The following CSMD1 variants were observed in gnomAD, a reference collection of about 807,000 sequenced individuals.
CSMD1 encodes CUB and Sushi multiple domains 1, also known as CUB and sushi domain-containing protein 1.
CSMD1 carries 213 observed loss-of-function variants against 417.5 expected under a neutral mutation model. That is an observed-to-expected ratio of 0.51 (90% confidence interval 0.46 to 0.57). The LOEUF (loss-of-function observed/expected upper bound fraction) is 0.57, where lower values mean the gene tolerates loss of function less well. Among genes scored for constraint, CSMD1 ranks in the 20% least tolerant of loss-of-function variants. CSMD1 has a pLI of 0.00. For synonymous variants in CSMD1, 2,862 were observed against 1,736.8 expected, an observed-to-expected ratio of 1.65 and a Z score of -16.11; for missense variants, 6,923 against 4,529.7, an observed-to-expected ratio of 1.53 and a Z score of -15.17.
intron 7 of CSMD1, among the ~76,000 whole-genome samples, chr8:3,638,099 G>A (rs1001905250): frequency 1.3e-5 from 2 of 152,122 alleles, no homozygotes; most frequent in African/African-American, 4.8e-5. Flanking sequence ...AAATCAAGGA[G>A]CTCAGATTTA....
At chr8:3,977,993 G>A (rs982152725) in intron 5 of CSMD1, among the ~76,000 whole-genome samples, 1 of 152,190 alleles carries the variant, frequency 6.6e-6, no homozygotes, top group Non-Finnish European at 1.5e-5. Flanking sequence ...TACCATGAGA[G>A]CATCTCATAG....
At chr8:4,030,508 G>A (rs1797287861) in intron 4 of CSMD1, among the ~76,000 whole-genome samples, 1 of 152,104 alleles carries the variant, frequency 6.6e-6, no homozygotes, top group Non-Finnish European at 1.5e-5. Flanking sequence ...CTGGGATGCA[G>A]GGCACCAAGT....
intron 49 of CSMD1, among the ~76,000 whole-genome samples, chr8:3,060,587 A>C (rs1252772072): frequency 6.6e-6 from 1 of 152,206 alleles, no homozygotes; most frequent in Non-Finnish European, 1.5e-5. Context: ...TTGGTTTACA[A>C]GCACTTGAAA....
At chr8:4,155,654 A>G (rs914172862) in intron 3 of CSMD1, among the ~76,000 whole-genome samples, 1 of 152,176 alleles carries the variant, frequency 6.6e-6, no homozygotes, top group African/African-American at 2.4e-5. Flanking sequence ...CATAATACAC[A>G]TTCAAAGAAA....
At chr8:4,386,429 C>G (rs1380870492) in intron 3 of CSMD1, among the ~76,000 whole-genome samples, 2 of 152,190 alleles carry the variant, frequency 1.3e-5, no homozygotes, top group Non-Finnish European at 2.9e-5. Context: ...TCAAACAATA[C>G]ACACTATCAG....
chr8:3,789,751 G>C (rs1192009929), intron 5 of CSMD1, among the ~76,000 whole-genome samples: 1 of 106,098 alleles, frequency 9.4e-6, no homozygotes, highest in South Asian at 3.0e-4. Flanking sequence ...TTTTTTTTGA[G>C]ACACAGTTTC....
chr8:3,170,551 C>T (rs189663686), intron 37 of CSMD1, among the ~76,000 whole-genome samples: 1 of 152,190 alleles, frequency 6.6e-6, no homozygotes, highest in African/African-American at 2.4e-5. Context: ...GCTTTACCCT[C>T]CCATAGCACA....
In CSMD1 at chr8:4,140,230, G is replaced by C. The variant is rs546912137; in HGVS notation, c.416-108131C>G. Among the ~76,000 whole-genome samples the C allele has an allele frequency of 2.9e-4, 39 of 135,270 alleles. No individual in the cohort carries two copies. In the South Asian group the frequency reaches 5.9e-3, roughly 20 times the overall value. 88.7% of individuals were successfully genotyped at this position (135,270 alleles called of 152,430 possible). On this transcript the variant is annotated intron_variant, in intron 3 of 69. Transcript: ENST00000635120. The stretch of plus-strand genomic sequence containing the variant: ...AAACAAAAATTCATCTGGATATGAA[G>C]GCTCAGCCTGTCATCTAGCACTTTG...
At chr8:3,745,689 G>A (rs1403159460) in intron 6 of CSMD1, among the ~76,000 whole-genome samples, 1 of 152,206 alleles carries the variant, frequency 6.6e-6, no homozygotes, top group Non-Finnish European at 1.5e-5. Flanking sequence ...GGCAGCTGCT[G>A]GAGTAAGGAC....
At position 2,981,860 on chromosome 8, in the gene CSMD1, T is replaced by C. The variant is rs79328592; in HGVS notation, c.8378-3060A>G. 9.7e-3 allele frequency among the ~76,000 whole-genome samples: 1,483 copies of C among 152,284 alleles called. 32 individuals are homozygous for C. The highest frequency in any genetic ancestry group is 0.034 in the African/African-American group (1,402 of 41,554). On this transcript the variant is annotated intron_variant, in intron 54 of 69. Transcript: ENST00000635120. ...TCAGGACTCCTGAACACATGTCTGG[T>C]ATAGCATAATAATAAAAGGCATCAG... is the stretch of plus-strand genomic sequence containing the variant.
At chr8:4,780,598 G>T (rs1797106002) in intron 1 of CSMD1, among the ~76,000 whole-genome samples, 1 of 150,232 alleles carries the variant, frequency 6.7e-6, no homozygotes. Context: ...AGTTATTGGG[G>T]TACAGGTGGT....
intron 3 of CSMD1, among the ~76,000 whole-genome samples, chr8:4,221,147 A>G (rs927349037): frequency 6.6e-6 from 1 of 152,178 alleles, no homozygotes; most frequent in Non-Finnish European, 1.5e-5. Flanking sequence ...AGAGCGGAGG[A>G]ATATCACTGA....
chr8:3,290,412 T>G (rs923146392), intron 25 of CSMD1, among the ~76,000 whole-genome samples: 1 of 146,672 alleles, frequency 6.8e-6, no homozygotes, highest in Non-Finnish European at 1.5e-5. Context: ...ATAAGTTACC[T>G]TGGGCGGTAT....
chr8:3,862,332 A>G (rs1384245428), intron 5 of CSMD1, among the ~76,000 whole-genome samples: 1 of 152,188 alleles, frequency 6.6e-6, no homozygotes, highest in African/African-American at 2.4e-5. Context: ...AAGGGCGTCC[A>G]CCAGGTGACC....
At chr8:3,925,566 A>C (rs1379232320) in intron 5 of CSMD1, among the ~76,000 whole-genome samples, 1 of 152,168 alleles carries the variant, frequency 6.6e-6, no homozygotes, top group Non-Finnish European at 1.5e-5. Context: ...ACCCACGGTG[A>C]GGTAACTGAA....
At chr8:3,273,328 G>C (rs934751536) in intron 26 of CSMD1, among the ~76,000 whole-genome samples, 2 of 152,060 alleles carry the variant, frequency 1.3e-5, no homozygotes, top group Non-Finnish European at 2.9e-5. Flanking sequence ...GCTGGATTCG[G>C]TTTGCCAGTA....
At chr8:4,736,039 G>A (rs1810211615) in intron 1 of CSMD1, among the ~76,000 whole-genome samples, 2 of 152,080 alleles carry the variant, frequency 1.3e-5, no homozygotes, top group African/African-American at 4.8e-5. Flanking sequence ...AGGCTATTAT[G>A]GACATTTGTA....
intron 10 of CSMD1, among the ~76,000 whole-genome samples, chr8:3,517,568 C>A (rs879232659): frequency 6.6e-6 from 1 of 152,178 alleles, no homozygotes; most frequent in East Asian, 1.9e-4. Flanking sequence ...TCATTCCACA[C>A]TGCTGTCCTC....
chr8:4,389,280 G>A (rs564693600), intron 3 of CSMD1, among the ~76,000 whole-genome samples: 56 of 152,196 alleles, frequency 3.7e-4, no homozygotes, highest in African/African-American at 1.2e-3. Flanking sequence ...ACAGAACCAG[G>A]AGAATTAGAA....
Sources: gnomAD v4.1 joint callset for allele counts (sites outside exome capture counted in the v4.1 genomes callset) on GRCh38, gnomAD v4.1.1 for gene constraint, MANE v1.5 for transcripts, NCBI Gene and HGNC (gene_info 2026-07-23, HGNC 2026-07-21) for gene names.